Variants in CDH13 observed in about 807,000 individuals in gnomAD.
CDH13 encodes the protein cadherin-13.
In CDH13, 24 loss-of-function variants were observed where a neutral mutation model predicts 63.8. That is an observed-to-expected ratio of 0.38 (90% confidence interval 0.27 to 0.53). The LOEUF is 0.53. Ranked by LOEUF, CDH13 falls within the 20% of genes least tolerant of loss-of-function variation. The pLI is 0.85. For synonymous variants in CDH13, 503 were observed against 355.3 expected, an observed-to-expected ratio of 1.42 and a Z score of -4.67; for missense variants, 1,049 against 903.1, an observed-to-expected ratio of 1.16 and a Z score of -2.07.
chr16:82,748,948 T>C (rs1035869850), intron 1 of CDH13, among the ~76,000 whole-genome samples: 5 of 152,248 alleles, frequency 3.3e-5, no homozygotes, highest in South Asian at 2.1e-4. Flanking sequence ...GTCTCAGCGA[T>C]TGATCTAGAC....
chr16:83,031,405 T>A (rs563336654), intron 2 of CDH13, among the ~76,000 whole-genome samples: 1 of 148,044 alleles, frequency 6.8e-6, no homozygotes, highest in Admixed American at 6.7e-5. Context: ...CATATACATG[T>A]ATATGTATAC....
chr16:83,644,631 T>C (rs1167137386), intron 8 of CDH13, among the ~76,000 whole-genome samples: 6 of 152,216 alleles, frequency 3.9e-5, no homozygotes, highest in African/African-American at 1.4e-4. Flanking sequence ...ATTCCTAGCC[T>C]GCTCCACTGC....
intron 1 of CDH13, among the ~76,000 whole-genome samples, chr16:82,661,851 T>C (rs147239221): frequency 3.7e-3 from 571 of 152,320 alleles, no homozygotes; most frequent in African/African-American, 0.013. Flanking sequence ...ACAACTAAGG[T>C]ATGTCCTGTA....
chr16:83,406,923 G>A (rs1010070657), intron 6 of CDH13, among the ~76,000 whole-genome samples: 1 of 152,190 alleles, frequency 6.6e-6, no homozygotes, highest in Non-Finnish European at 1.5e-5. Flanking sequence ...ATTGTCCATA[G>A]CTACTATTGT....
At chr16:83,271,457 T>C (rs1161996036) in intron 5 of CDH13, among the ~76,000 whole-genome samples, 7 of 27,440 alleles carry the variant, frequency 2.6e-4, no homozygotes, top group Non-Finnish European at 4.9e-4. Flanking sequence ...AAAAAATTCA[T>C]GGTTGCTGTT....
chr16:82,695,334 G>A (rs1257758557), intron 1 of CDH13, among the ~76,000 whole-genome samples: 2 of 152,212 alleles, frequency 1.3e-5, no homozygotes, highest in African/African-American at 4.8e-5. Flanking sequence ...ATACCAATTT[G>A]CTTCTAATTC....
chr16:83,167,200 TAA>T (rs144069013), intron 4 of CDH13, among the ~76,000 whole-genome samples: 44 of 139,716 alleles, frequency 3.1e-4, no homozygotes, highest in Admixed American at 5.8e-4. Flanking sequence ...AATGTAGTAT[TAA>T]AAAAAAAAAA....
Position 83,160,583 on chromosome 16 carries a change from C to T in CDH13, c.483+35082C>T, listed in dbSNP as rs900340164. ...TACTGTCAATGTGGTGCTCGTGTGGCCTTCCAAAAGGCCAGTTCCACAGTG... is the reference window on the plus strand; with the variant it reads ...TACTGTCAATGTGGTGCTCGTGTGGTCTTCCAAAAGGCCAGTTCCACAGTG... On this transcript the variant is annotated intron_variant, in intron 4 of 13. Transcript: ENST00000567109. Among the ~76,000 whole-genome samples, 3 of 152,262 alleles carry T rather than the reference C, an allele frequency of 2.0e-5. No individual in the cohort carries two copies. In the East Asian group the frequency reaches 5.8e-4, roughly 29 times the overall value.
At chr16:83,431,152 A>G (rs933089038) in intron 6 of CDH13, among the ~76,000 whole-genome samples, 1 of 151,826 alleles carries the variant, frequency 6.6e-6, no homozygotes. Flanking sequence ...TGAACTCATC[A>G]TTTTTTATGG....
chr16:83,678,618 G>C (rs566549106), intron 10 of CDH13, among the ~76,000 whole-genome samples, 157 bp downstream of exon 10: 18 of 152,294 alleles, frequency 1.2e-4, no homozygotes, highest in African/African-American at 4.3e-4. Context: ...GGAGGTTGTG[G>C]CTGACGGCTG....
chr16:83,229,068 A>G (rs907215612), intron 5 of CDH13, among the ~76,000 whole-genome samples: 2 of 152,166 alleles, frequency 1.3e-5, no homozygotes, highest in Non-Finnish European at 2.9e-5. Flanking sequence ...GGAGGAGGGC[A>G]GGCCATACCG....
intron 1 of CDH13, among the ~76,000 whole-genome samples, chr16:82,693,072 GCCT>G (rs990554113): frequency 6.6e-6 from 1 of 152,152 alleles, no homozygotes; most frequent in African/African-American, 2.4e-5. Context: ...GCTGGGGGTG[GCCT>G]CCTACCAAGA....
At chr16:82,750,780 G>A (rs1381256080) in intron 1 of CDH13, among the ~76,000 whole-genome samples, 1 of 145,492 alleles carries the variant, frequency 6.9e-6, no homozygotes, top group Non-Finnish European at 1.5e-5. Flanking sequence ...GGCTTAAGCT[G>A]ATTTTTTTTT....
At chr16:83,599,373 A>G (rs577560972) in intron 7 of CDH13, among the ~76,000 whole-genome samples, 21 of 152,336 alleles carry the variant, frequency 1.4e-4, no homozygotes, top group African/African-American at 3.6e-4. Flanking sequence ...AAAGCTAAAC[A>G]TTCTCGTAGG....
intron 8 of CDH13, among the ~76,000 whole-genome samples, chr16:83,612,656 A>G (rs946215863): frequency 6.6e-6 from 1 of 151,924 alleles, no homozygotes; most frequent in African/African-American, 2.4e-5. Flanking sequence ...ATTCAGCTCT[A>G]ATAACTTATT....
In CDH13 at chr16:82,744,162, A is replaced by C. The variant is rs1157462; in HGVS notation, c.46-114200A>C. The stretch of plus-strand genomic sequence containing the variant: ...ACCCCCTAGTTCAGTTGACAGAGAT[A>C]GGATGGCAGCCTCTGCCAGCATGTT... On this transcript the variant is annotated intron_variant, in intron 1 of 13. Transcript: ENST00000567109. Among the ~76,000 whole-genome samples, 1,133 of 152,338 alleles carry C rather than the reference A, an allele frequency of 7.4e-3. 18 individuals carry two copies. The highest frequency in any genetic ancestry group is 0.026 in the African/African-American group (1,092 of 41,576).
intron 2 of CDH13, among the ~76,000 whole-genome samples, chr16:82,892,054 T>C (rs566689969): frequency 1.3e-5 from 2 of 152,156 alleles, no homozygotes; most frequent in African/African-American, 4.8e-5. Context: ...CGTCCCTTTA[T>C]GAAGGGAGGC....
At chr16:83,285,352 A>G (rs2089282418) in intron 5 of CDH13, among the ~76,000 whole-genome samples, 1 of 151,944 alleles carries the variant, frequency 6.6e-6, no homozygotes, top group African/African-American at 2.4e-5. Flanking sequence ...GGAGGAAGTA[A>G]TTATGAGGTT....
chr16:83,436,493 A>C (rs1411993645), intron 6 of CDH13, among the ~76,000 whole-genome samples: 1 of 152,118 alleles, frequency 6.6e-6, no homozygotes, highest in Non-Finnish European at 1.5e-5. Flanking sequence ...AAAATTATAC[A>C]ATGAATAATG....
Sources: gnomAD v4.1 joint callset for allele counts (sites outside exome capture counted in the v4.1 genomes callset) on GRCh38, gnomAD v4.1.1 for gene constraint, MANE v1.5 for transcripts, NCBI Gene and HGNC (gene_info 2026-07-23, HGNC 2026-07-21) for gene names.